RASA3: variants seen among roughly 807,000 people sequenced by gnomAD.
The protein encoded by RASA3 is RAS p21 protein activator 3.
A neutral mutation model predicts 110.0 loss-of-function variants in RASA3; 73 were observed. The observed-to-expected ratio is 0.66, with a 90% confidence interval of 0.55 to 0.81. RASA3 has a LOEUF of 0.81. Ranked by LOEUF, RASA3 falls within the 30% of genes least tolerant of loss-of-function variation. The pLI, the probability that RASA3 is intolerant of heterozygous loss-of-function variation, is 0.00. For synonymous variants in RASA3, 500 were observed against 451.4 expected, an observed-to-expected ratio of 1.11 and a Z score of -1.37; for missense variants, 976 against 1,113.2, an observed-to-expected ratio of 0.88 and a Z score of 1.75.
intron 5 of RASA3, 55 bp downstream of exon 5, chr13:114,029,756 G>A (rs2054110473): frequency 6.6e-7 from 1 of 1,507,170 alleles, no homozygotes. Context: ...GTGCTCCTCG[G>A]GAGCCAGACA....
chr13:114,038,077 TAAAAA>T (rs541898809), intron 4 of RASA3, among the ~76,000 whole-genome samples: 1 of 116,680 alleles, frequency 8.6e-6, no homozygotes, highest in East Asian at 2.7e-4. Context: ...ATTAAATCAG[TAAAAA>T]AAAAAAAAAG....
At chr13:113,981,167 AGG>A (rs1483576454) in intron 23 of RASA3, among the ~76,000 whole-genome samples, 1 of 152,186 alleles carries the variant, frequency 6.6e-6, no homozygotes, top group Non-Finnish European at 1.5e-5. Flanking sequence ...CCATGGAGTG[AGG>A]GGGAGTGGAG....
chr13:114,076,774 C>A (rs2079692114), intron 1 of RASA3, among the ~76,000 whole-genome samples: 1 of 152,068 alleles, frequency 6.6e-6, no homozygotes, highest in Admixed American at 6.5e-5. Flanking sequence ...CCCAGCAAGT[C>A]GGACAGGGGC....
chr13:114,113,071 G>A (rs887114214), intron 1 of RASA3, among the ~76,000 whole-genome samples: 2 of 152,196 alleles, frequency 1.3e-5, no homozygotes, highest in Admixed American at 6.5e-5. Context: ...GGGGGCAGGA[G>A]CTGGAGGGCT....
At chr13:114,027,294 A>C in intron 7 of RASA3, 95 bp downstream of exon 7, 1 of 1,105,698 alleles carries the variant, frequency 9.0e-7, no homozygotes, top group Non-Finnish European at 1.3e-6. Flanking sequence ...GAACTTCCAG[A>C]GGGAAGAGAC....
At chr13:114,068,895 C>A (rs1019313931) in intron 2 of RASA3, among the ~76,000 whole-genome samples, 1 of 152,212 alleles carries the variant, frequency 6.6e-6, no homozygotes, top group Non-Finnish European at 1.5e-5. Flanking sequence ...CACTTCGATG[C>A]GTTCTGAAGT....
At chr13:113,984,761 A>G (rs1594275485) in intron 22 of RASA3, among the ~76,000 whole-genome samples, 9 of 51,244 alleles carry the variant, frequency 1.8e-4, no homozygotes, top group South Asian at 1.1e-3. Flanking sequence ...CCCATTACTC[A>G]CCCATCCATC....
chr13:114,128,505 T>A (rs570454526), intron 1 of RASA3, among the ~76,000 whole-genome samples: 57 of 152,310 alleles, frequency 3.7e-4, no homozygotes, highest in Non-Finnish European at 5.6e-4. Context: ...CAGGGGACCC[T>A]CCAGGCACCC....
chr13:114,009,616 G>T, intron 16 of RASA3, 152 bp from the exon 17 acceptor site: 1 of 622,604 alleles, frequency 1.6e-6, no homozygotes, highest in Non-Finnish European at 2.8e-6. Flanking sequence ...AGCCCGCAGG[G>T]CTGCCCGGAG....
At chr13:114,108,051 C>T (rs2080157776) in intron 1 of RASA3, among the ~76,000 whole-genome samples, 1 of 152,000 alleles carries the variant, frequency 6.6e-6, no homozygotes, top group Non-Finnish European at 1.5e-5. Context: ...ACCTGAGCCC[C>T]ACTCCTGGCC....
chr13:113,989,389 T>TCCGTCCATCCATCACTCAC (rs1440700059), intron 22 of RASA3, among the ~76,000 whole-genome samples: 4 of 134,656 alleles, frequency 3.0e-5, no homozygotes, highest in African/African-American at 8.6e-5. Context: ...CACTCACCCA[T>TCCGTCCATCCATCACTCAC]CCGTCCATCC....
chr13:114,100,942 A>C (rs2080052443), intron 1 of RASA3, among the ~76,000 whole-genome samples: 1 of 152,162 alleles, frequency 6.6e-6, no homozygotes, highest in South Asian at 2.1e-4. Flanking sequence ...TATTTTTAGA[A>C]TTTTCCATTT....
chr13:114,011,011 G>A lies in RASA3; in HGVS notation c.1590+160C>T, dbSNP rs368236997. Among the ~76,000 whole-genome samples, 2 of 152,126 alleles carry A rather than the reference G, an allele frequency of 1.3e-5. No individual in the cohort carries two copies. Among genetic ancestry groups the A allele is most frequent in the African/African-American group, 2.4e-5 (1 of 41,404 alleles). On this transcript the variant is annotated intron_variant, in intron 16 of 23. Coordinates refer to ENST00000334062, the MANE Select transcript of RASA3 (RefSeq NM_007368.4). This position sits in a 1 kb window ranked among gnomAD's most constrained non-coding sequence, Gnocchi z 4.8. ...GGGGAGAGGTGAGCGGGACGGGGAC[G>A]CTCAGGTCCTGGGTTTCAAGAGAGG...
chr13:114,037,959 G>A (rs974470400), intron 4 of RASA3, among the ~76,000 whole-genome samples: 3 of 151,846 alleles, frequency 2.0e-5, no homozygotes, highest in African/African-American at 7.3e-5. Context: ...CGGGGGAGCC[G>A]GGAGAAGGGA....
At position 114,027,912 on chromosome 13, in the gene RASA3, C is replaced by T. The variant is rs755676167; in HGVS notation, c.465G>A (p.Gln155=). Residue 155 remains glutamine (Q), a synonymous_variant, in exon 6 of 24, where the codon CAG becomes CAA. Coordinates refer to ENST00000334062, the MANE Select transcript of RASA3 (RefSeq NM_007368.4). ...HKLATRIVEC[Q]GLPIVNGQCD... ...ATTGCCCATTCACGATGGGGAGGCC[C>T]TGGCACTCGACGATGCTGAGGAGAG... 7 of 1,613,616 alleles carry T rather than the reference C, an allele frequency of 4.3e-6. No individual in the cohort carries two copies. The highest frequency in any genetic ancestry group is 5.9e-6 in the Non-Finnish European group (7 of 1,179,846).
intron 1 of RASA3, among the ~76,000 whole-genome samples, chr13:114,091,652 G>A (rs573952395): frequency 1.3e-5 from 2 of 151,774 alleles, no homozygotes; most frequent in Non-Finnish European, 2.9e-5. Context: ...GTTCATCAGA[G>A]ACATTGGCCT....
intron 9 of RASA3, among the ~76,000 whole-genome samples, chr13:114,019,165 T>G (rs2053861401): frequency 6.7e-6 from 1 of 148,732 alleles, no homozygotes; most frequent in South Asian, 2.2e-4. Context: ...CGGAGGGGGA[T>G]GGGGGTGGAA....
intron 1 of RASA3, among the ~76,000 whole-genome samples, chr13:114,125,138 G>A (rs530966363): frequency 3.8e-4 from 58 of 152,250 alleles, no homozygotes; most frequent in Non-Finnish European, 5.4e-4. Context: ...AACTTCCTGC[G>A]AGTCATGTGG....
chr13:114,025,100 C>T (rs1000427977), intron 7 of RASA3, among the ~76,000 whole-genome samples: 2 of 152,248 alleles, frequency 1.3e-5, no homozygotes, highest in African/African-American at 2.4e-5. Context: ...ACAAGAAGGG[C>T]TCCGTCCTGC....
Sources: allele counts gnomAD v4.1 joint callset (sites outside exome capture counted in the v4.1 genomes callset), GRCh38; gene constraint gnomAD v4.1.1; non-coding constraint Gnocchi (gnomAD v3.1); transcripts MANE v1.5; gene names NCBI Gene and HGNC (gene_info 2026-07-23, HGNC 2026-07-21).